Variants in TYW1 observed in about 807,000 individuals in gnomAD.
The protein encoded by TYW1 is S-adenosyl-L-methionine-dependent tRNA 4-demethylwyosine synthase TYW1.
A neutral mutation model predicts 96.2 loss-of-function variants in TYW1; 46 were observed. The ratio of observed to expected loss-of-function variants is 0.48; its 90% CI spans 0.38 to 0.61. TYW1 has a LOEUF of 0.61. TYW1 is among the 20% of genes least tolerant of loss of function. The pLI, the probability that TYW1 is intolerant of heterozygous loss-of-function variation, is 0.00. For missense variants in TYW1, 684 were observed against 909.6 expected (o/e 0.75, Z 3.19); for synonymous variants, 274 against 323.0 (o/e 0.85, Z 1.63).
chr7:66,998,442 C>G (rs1461240986), intron 2 of TYW1, among the ~76,000 whole-genome samples: 2 of 152,022 alleles, frequency 1.3e-5, no homozygotes, highest in Admixed American at 6.6e-5. Context: ...GAAAAGTGAA[C>G]CTTTTATATG....
intron 9 of TYW1, among the ~76,000 whole-genome samples, chr7:67,060,978 A>G (rs1795677627): frequency 6.6e-6 from 1 of 152,200 alleles, no homozygotes; most frequent in Non-Finnish European, 1.5e-5. Flanking sequence ...CTGAAATCCC[A>G]GCACTTTCAG....
At chr7:67,065,853 A>T (rs116120356) in intron 9 of TYW1, among the ~76,000 whole-genome samples, 4,379 of 152,214 alleles carry the variant, frequency 0.029, 192 homozygotes, top group African/African-American at 0.1. Context: ...TCTACAAAAA[A>T]TACAAATACT....
At chr7:67,213,341 G>A (rs1563074510) in intron 15 of TYW1, among the ~76,000 whole-genome samples, 1 of 152,128 alleles carries the variant, frequency 6.6e-6, no homozygotes, top group Non-Finnish European at 1.5e-5. Flanking sequence ...CTTATTTTTA[G>A]TTGAGACGGG....
At chr7:67,224,191 G>A (rs774076414) in intron 15 of TYW1, among the ~76,000 whole-genome samples, 6 of 152,170 alleles carry the variant, frequency 3.9e-5, no homozygotes, top group Admixed American at 6.5e-5. Flanking sequence ...GCAATGGCAC[G>A]ATCTCAGCTC....
At position 67,003,179 on chromosome 7, in the gene TYW1, G is replaced by A. The variant is rs548372431; in HGVS notation, c.273+4225G>A. The stretch of plus-strand genomic sequence containing the variant: ...GTCTAGTAAGCATCTTAACATCAGT[G>A]TGCTCAAAACTGAACTCCCAATTTT... On this transcript the variant is annotated intron_variant, in intron 3 of 15. Coordinates refer to ENST00000359626, the MANE Select transcript of TYW1 (RefSeq NM_018264.4). Among the ~76,000 whole-genome samples the A allele has an allele frequency of 2.3e-3, 357 of 152,290 alleles. 3 individuals carry two copies. The highest frequency in any genetic ancestry group is 7.9e-3 in the African/African-American group (330 of 41,582).
chr7:67,131,369 T>C (rs1798068501), intron 13 of TYW1, among the ~76,000 whole-genome samples: 1 of 152,246 alleles, frequency 6.6e-6, no homozygotes, highest in Non-Finnish European at 1.5e-5. Flanking sequence ...TATGAAAAGA[T>C]ACAGTGAATA....
At chr7:67,189,038 A>G (rs1800117938) in intron 14 of TYW1, among the ~76,000 whole-genome samples, 2 of 152,220 alleles carry the variant, frequency 1.3e-5, no homozygotes, top group African/African-American at 4.8e-5. Context: ...GTATCACCCC[A>G]TTCAACTTCT....
chr7:67,051,155 C>CCA (rs1795344710), intron 8 of TYW1, among the ~76,000 whole-genome samples: 1 of 152,156 alleles, frequency 6.6e-6, no homozygotes, highest in Admixed American at 6.6e-5. Context: ...CAGGTGTGAG[C>CCA]CACTGCACCT....
chr7:67,223,405 T>TA (rs1193394847), intron 15 of TYW1, among the ~76,000 whole-genome samples: 1 of 151,834 alleles, frequency 6.6e-6, no homozygotes. Flanking sequence ...GGTATGAACT[T>TA]AAAGTCTTTT....
At position 67,048,625 on chromosome 7, in the gene TYW1, A is replaced by G. The variant is rs576196478; in HGVS notation, c.985-1324A>G. On this transcript the variant is annotated intron_variant, in intron 7 of 15. Transcript: ENST00000359626. The stretch of plus-strand genomic sequence containing the variant: ...ATCTTGTCATATCAAGCCAGTTACA[A>G]TGAATAGAAGACCAACATGCTGCAA... Among the ~76,000 whole-genome samples, 3 of 152,340 alleles carry G rather than the reference A, an allele frequency of 2.0e-5. No homozygotes were observed. The South Asian group carries it at 6.2e-4, about 32-fold the overall frequency.
chr7:67,011,338 G>A (rs564844580), intron 4 of TYW1, among the ~76,000 whole-genome samples: 21 of 152,308 alleles, frequency 1.4e-4, no homozygotes, highest in Admixed American at 3.9e-4. Context: ...GCGCCCAGGC[G>A]CATTACTTAA....
At chr7:67,164,387 A>G (rs533082357) in intron 13 of TYW1, among the ~76,000 whole-genome samples, 5 of 152,104 alleles carry the variant, frequency 3.3e-5, no homozygotes, top group Non-Finnish European at 7.4e-5. Context: ...AGGTGGGTGG[A>G]TCACTTGAGG....
chr7:67,114,853 G>A (rs1246728499), intron 12 of TYW1, among the ~76,000 whole-genome samples: 1 of 152,120 alleles, frequency 6.6e-6, no homozygotes, highest in African/African-American at 2.4e-5. Context: ...TTAGAAATGA[G>A]CTCTGTAATT....
intron 11 of TYW1, among the ~76,000 whole-genome samples, chr7:67,094,918 C>T (rs1316940173): frequency 6.6e-6 from 1 of 151,804 alleles, no homozygotes; most frequent in African/African-American, 2.4e-5. Context: ...GGATCAAGGC[C>T]CGTTGTTTTG....
chr7:66,998,161 T>C lies in TYW1; in HGVS notation c.101T>C (p.Leu34Pro). 1.2e-6 allele frequency: 2 copies of C among 1,611,664 alleles called. No individual in the cohort carries two copies. The highest frequency in any genetic ancestry group is 1.7e-6 in the Non-Finnish European group (2 of 1,179,362). The change falls in exon 2 of 16, where the codon CTT becomes CCT. Residue 34 changes from leucine to proline, a missense_variant. Physicochemically the swap from Leu to Pro is moderately conservative, Grantham distance 98. Coordinates refer to ENST00000359626, the MANE Select transcript of TYW1 (RefSeq NM_018264.4). ...IYLGFAVSIS[L>P]WICVQIVIKT... is the part of the protein sequence containing the mutation. ...TTGGGCTTTGCTGTTAGCATTAGCC[T>C]TTGGATTTGTGTCCAGATTGTCATC...
intron 13 of TYW1, among the ~76,000 whole-genome samples, chr7:67,136,392 T>C (rs1798256015): frequency 6.6e-6 from 1 of 152,332 alleles, no homozygotes; most frequent in South Asian, 2.1e-4. Flanking sequence ...TACAGTTATG[T>C]AATTCTGTAG....
At chr7:67,045,051 C>T (rs1431080102) in intron 7 of TYW1, among the ~76,000 whole-genome samples, 2 of 152,160 alleles carry the variant, frequency 1.3e-5, no homozygotes, top group East Asian at 3.9e-4. Flanking sequence ...TGTTGTAAAA[C>T]TCATGTTTGT....
chr7:67,235,007 T>A (rs749618393), intron 15 of TYW1, among the ~76,000 whole-genome samples: 1 of 152,090 alleles, frequency 6.6e-6, no homozygotes, highest in Non-Finnish European at 1.5e-5. Flanking sequence ...AATCCTTTAC[T>A]CTCTCTTAGA....
intron 7 of TYW1, among the ~76,000 whole-genome samples, chr7:67,049,001 G>A (rs144130868): frequency 2.0e-5 from 3 of 152,338 alleles, no homozygotes; most frequent in African/African-American, 4.8e-5. Flanking sequence ...GTGACAAAGC[G>A]AGACTCTGTT....
Sources: allele counts gnomAD v4.1 joint callset (sites outside exome capture counted in the v4.1 genomes callset), GRCh38; gene constraint gnomAD v4.1.1; transcripts MANE v1.5; gene names NCBI Gene and HGNC (gene_info 2026-07-23, HGNC 2026-07-21).